The following FANCC variants were observed in gnomAD, a reference collection of about 807,000 sequenced individuals.
FANCC encodes the protein FA complementation group C, also known as Fanconi anemia group C protein.
A neutral mutation model predicts 71.3 loss-of-function variants in FANCC; 55 were observed. The observed-to-expected ratio is 0.77, with a 90% CI of 0.62 to 0.97. The LOEUF is 0.97. Among genes scored for constraint, FANCC ranks in the 50% least tolerant of loss-of-function variants. The pLI is 0.00. For missense variants in FANCC, 678 were observed against 670.9 expected, an observed-to-expected ratio of 1.01 and a Z score of -0.12; for synonymous variants, 275 against 244.9, an observed-to-expected ratio of 1.12 and a Z score of -1.15.
chr9:95,158,663 G>A (rs542189736), intron 6 of FANCC, among the ~76,000 whole-genome samples: 1 of 152,286 alleles, frequency 6.6e-6, no homozygotes, highest in South Asian at 2.1e-4. Flanking sequence ...ATTGTTACCA[G>A]GGATTGATAT....
chr9:95,161,829 C>CTTCTT (rs199968518), intron 6 of FANCC, among the ~76,000 whole-genome samples: 1 of 138,382 alleles, frequency 7.2e-6, no homozygotes, highest in African/African-American at 2.7e-5. Flanking sequence ...CTACTTTCTG[C>CTTCTT]TTCTTTTCTT....
chr9:95,190,734 A>G (rs1312390300), intron 4 of FANCC, among the ~76,000 whole-genome samples: 1 of 152,182 alleles, frequency 6.6e-6, no homozygotes, highest in East Asian at 1.9e-4. Context: ...CTGCTGGTAC[A>G]CCGCATGCTA....
intron 1 of FANCC, among the ~76,000 whole-genome samples, chr9:95,291,967 A>AAATATAT (rs1441757988): frequency 5.2e-4 from 26 of 50,426 alleles, no homozygotes; most frequent in African/African-American, 1.5e-3. Flanking sequence ...AAAAAAAAAA[A>AAATATAT]ATATATATAT....
intron 8 of FANCC, among the ~76,000 whole-genome samples, chr9:95,127,641 C>A (rs926579528): frequency 6.6e-6 from 1 of 152,212 alleles, no homozygotes. Context: ...GTGGATCAGG[C>A]GCTATTGGAA....
intron 3 of FANCC, among the ~76,000 whole-genome samples, chr9:95,243,549 C>T (rs1830755251): frequency 6.6e-6 from 1 of 151,946 alleles, no homozygotes; most frequent in Non-Finnish European, 1.5e-5. Flanking sequence ...CTTTGGGAGG[C>T]CGAGGTGGGC....
chr9:95,249,014 G>T, intron 2 of FANCC, 113 bp downstream of exon 2: 1 of 1,070,592 alleles, frequency 9.3e-7, no homozygotes, highest in Non-Finnish European at 1.4e-6. Context: ...CTAATCCATC[G>T]GCACTTCAGT....
intron 4 of FANCC, among the ~76,000 whole-genome samples, chr9:95,199,544 G>A (rs566337788): frequency 2.0e-5 from 3 of 152,254 alleles, no homozygotes; most frequent in East Asian, 3.9e-4. Flanking sequence ...GTGGTCTCTC[G>A]GTCTAAGGAA....
rs1038076916 is a variant in FANCC, at chr9:95,242,008, A to G, written c.251-1265T>C. Among the ~76,000 whole-genome samples, 4 of 152,220 alleles carry G rather than the reference A, an allele frequency of 2.6e-5. No homozygotes were observed. In the South Asian group the frequency reaches 8.3e-4, roughly 31 times the overall value. ...TCATTAACAAAGAAATAAGAACAAT[A>G]CCAACTCTAGTAAGCGACTTCTGTA... is the stretch of plus-strand genomic sequence containing the variant. On this transcript the variant is annotated intron_variant, in intron 3 of 14. Coordinates refer to ENST00000289081, the MANE Select transcript of FANCC (RefSeq NM_000136.3).
intron 4 of FANCC, among the ~76,000 whole-genome samples, chr9:95,178,622 G>A (rs1032372449): frequency 6.6e-6 from 1 of 152,256 alleles, no homozygotes; most frequent in Non-Finnish European, 1.5e-5. Flanking sequence ...AGAGACGCAG[G>A]ATCCAGCTTG....
chr9:95,150,174 A>G, intron 6 of FANCC, 87 bp from the exon 7 acceptor site: 1 of 1,389,568 alleles, frequency 7.2e-7, no homozygotes, highest in South Asian at 1.2e-5. Context: ...AAAAAGGTCA[A>G]AGACAGATCA....
At chr9:95,111,202 G>A (rs1172254963) in intron 13 of FANCC, 1 of 1,536,232 alleles carries the variant, frequency 6.5e-7, no homozygotes, top group Non-Finnish European at 8.7e-7. Flanking sequence ...CAGATCAAAT[G>A]ACCTTGGGGA....
chr9:95,159,254 T>C (rs944205833), intron 6 of FANCC, among the ~76,000 whole-genome samples: 92 of 152,292 alleles, frequency 6.0e-4, no homozygotes, highest in Non-Finnish European at 3.8e-4. Context: ...CATTGTTCAA[T>C]TCCTACCTGT....
intron 4 of FANCC, among the ~76,000 whole-genome samples, chr9:95,176,065 A>T (rs1364649228): frequency 1.3e-5 from 2 of 152,206 alleles, no homozygotes; most frequent in African/African-American, 4.8e-5. Context: ...TTTACTACAC[A>T]CCAGGGGCTG....
chr9:95,169,116 A>C (rs1588215351), intron 6 of FANCC, among the ~76,000 whole-genome samples: 2 of 152,328 alleles, frequency 1.3e-5, no homozygotes, highest in Non-Finnish European at 2.9e-5. Flanking sequence ...GCTTTCTTTA[A>C]GTGAAAAGGT....
chr9:95,273,311 G>A (rs1832844462), intron 1 of FANCC, among the ~76,000 whole-genome samples: 1 of 152,294 alleles, frequency 6.6e-6, no homozygotes, highest in East Asian at 1.9e-4. Context: ...ACAACCCAAA[G>A]AGTCTTTAGG....
intron 4 of FANCC, among the ~76,000 whole-genome samples, chr9:95,173,932 T>C (rs1825850029): frequency 6.6e-6 from 1 of 152,154 alleles, no homozygotes; most frequent in Non-Finnish European, 1.5e-5. Flanking sequence ...ATTTTAATAG[T>C]ATTTAAAATG....
chr9:95,173,355 G>A (rs1232157109), intron 4 of FANCC, among the ~76,000 whole-genome samples: 1 of 152,070 alleles, frequency 6.6e-6, no homozygotes, highest in African/African-American at 2.4e-5. Context: ...CTGCCTAGAG[G>A]TTTGTCACCT....
chr9:95,266,430 A>G (rs1832389790), intron 1 of FANCC, among the ~76,000 whole-genome samples: 1 of 152,210 alleles, frequency 6.6e-6, no homozygotes, highest in African/African-American at 2.4e-5. Flanking sequence ...GCAGGGAGAC[A>G]GCTTAATTCA....
chr9:95,299,796 G>A (rs1366975406), intron 1 of FANCC, among the ~76,000 whole-genome samples: 1 of 152,178 alleles, frequency 6.6e-6, no homozygotes, highest in Admixed American at 6.5e-5. Flanking sequence ...GGGAGGTCGA[G>A]GCCATAGTGA....
Sources: allele counts gnomAD v4.1 joint callset (sites outside exome capture counted in the v4.1 genomes callset), GRCh38; gene constraint gnomAD v4.1.1; transcripts MANE v1.5; gene names NCBI Gene and HGNC (gene_info 2026-07-23, HGNC 2026-07-21).